KIAA1217: variants seen among roughly 807,000 people sequenced by gnomAD.
KIAA1217 encodes the protein KIAA1217.
KIAA1217 carries 88 observed loss-of-function variants against 163.9 expected under a neutral mutation model. The ratio of observed to expected loss-of-function variants is 0.54; its 90% CI spans 0.45 to 0.64. The LOEUF is 0.64. Among genes scored for constraint, KIAA1217 ranks in the 30% least tolerant of loss-of-function variants. The pLI is 0.00. For synonymous variants in KIAA1217, 903 were observed against 923.1 expected, an observed-to-expected ratio of 0.98 and a Z score of 0.39; for missense variants, 2,372 against 2,475.0, an observed-to-expected ratio of 0.96 and a Z score of 0.88.
chr10:24,536,320 A>G (rs2074001941), intron 16 of KIAA1217, among the ~76,000 whole-genome samples: 1 of 152,202 alleles, frequency 6.6e-6, no homozygotes, highest in Non-Finnish European at 1.5e-5. Flanking sequence ...TGCTAAGAGT[A>G]CTTTTATTGT....
intron 6 of KIAA1217, among the ~76,000 whole-genome samples, chr10:24,492,803 A>ACCATCTATCAAAAAGAGC (rs77282386): frequency 6.6e-6 from 1 of 151,536 alleles, no homozygotes; most frequent in African/African-American, 2.4e-5. Context: ...ATGCAGATGC[A>ACCATCTATCAAAAAGAGC]CCAGCTTAAT....
intron 15 of KIAA1217, among the ~76,000 whole-genome samples, chr10:24,532,593 A>G (rs1006836136): frequency 6.6e-6 from 1 of 152,206 alleles, no homozygotes; most frequent in African/African-American, 2.4e-5. Context: ...AGATGAAGGA[A>G]GAGCAAAGGC....
intron 1 of KIAA1217, among the ~76,000 whole-genome samples, chr10:23,995,321 C>T (rs566241934): frequency 6.6e-6 from 1 of 152,118 alleles, no homozygotes. Flanking sequence ...GAAAAAGAAA[C>T]ACAATAGAAT....
At chr10:23,702,236 A>AAGAGC (rs922543556) in intron 1 of KIAA1217, among the ~76,000 whole-genome samples, 12 of 152,064 alleles carry the variant, frequency 7.9e-5, no homozygotes, top group Non-Finnish European at 1.8e-4. Flanking sequence ...GAGAGAAGAG[A>AAGAGC]AGTGAACAGA....
chr10:23,864,102 A>G (rs1189245710), intron 1 of KIAA1217, among the ~76,000 whole-genome samples: 1 of 144,814 alleles, frequency 6.9e-6, no homozygotes, highest in Non-Finnish European at 1.5e-5. Context: ...TATTATTATT[A>G]TTCCTACTTT....
At chr10:23,700,904 C>T (rs1307740255) in intron 1 of KIAA1217, among the ~76,000 whole-genome samples, 1 of 141,562 alleles carries the variant, frequency 7.1e-6, no homozygotes, top group Non-Finnish European at 1.5e-5. Flanking sequence ...AAGGTAAACT[C>T]CATAAAGGAA....
At chr10:24,209,303 G>C (rs1379453662) in intron 1 of KIAA1217, 40 bp downstream of exon 1, 1 of 1,486,568 alleles carries the variant, frequency 6.7e-7, no homozygotes, top group Non-Finnish European at 9.4e-7. Context: ...TTACAGGGAC[G>C]CGTGCCCCTT....
At chr10:23,742,005 G>A (rs968379312) in intron 1 of KIAA1217, among the ~76,000 whole-genome samples, 1 of 152,122 alleles carries the variant, frequency 6.6e-6, no homozygotes, top group Admixed American at 6.5e-5. Flanking sequence ...ATCACTCAAT[G>A]CTCTAGAGAA....
chr10:24,369,999 C>T (rs530857342), intron 2 of KIAA1217, among the ~76,000 whole-genome samples: 1 of 152,316 alleles, frequency 6.6e-6, no homozygotes, highest in Non-Finnish European at 1.5e-5. Context: ...GGCGCGGCGG[C>T]TCACGCCTGT....
chr10:23,919,516 G>A (rs1842766911), intron 1 of KIAA1217, among the ~76,000 whole-genome samples: 1 of 146,926 alleles, frequency 6.8e-6, no homozygotes, highest in Non-Finnish European at 1.5e-5. Context: ...TGCGGAAGGA[G>A]AATTGCTTGA....
intron 1 of KIAA1217, among the ~76,000 whole-genome samples, chr10:23,803,309 C>T (rs1164198042): frequency 1.3e-5 from 2 of 152,222 alleles, no homozygotes; most frequent in South Asian, 2.1e-4. Flanking sequence ...GCTGGGAATG[C>T]CCCTTCCTGA....
intron 1 of KIAA1217, among the ~76,000 whole-genome samples, chr10:23,965,482 T>C (rs529230705): frequency 2.0e-5 from 3 of 152,364 alleles, no homozygotes; most frequent in African/African-American, 7.2e-5. Flanking sequence ...AGTTTCCACC[T>C]TAAAGCCTGG....
At chr10:23,881,721 G>A (rs1387909839) in intron 1 of KIAA1217, among the ~76,000 whole-genome samples, 1 of 151,928 alleles carries the variant, frequency 6.6e-6, no homozygotes, top group Non-Finnish European at 1.5e-5. Context: ...CTGACCCACT[G>A]AATGAAGAGG....
At chr10:23,791,220 A>G (rs1250977869) in intron 1 of KIAA1217, among the ~76,000 whole-genome samples, 1 of 152,218 alleles carries the variant, frequency 6.6e-6, no homozygotes, top group East Asian at 1.9e-4. Context: ...GAATCTTTGA[A>G]TTCTGTTTTA....
chr10:24,008,923 C>G (rs1047135263), intron 2 of KIAA1217, among the ~76,000 whole-genome samples: 4 of 152,204 alleles, frequency 2.6e-5, no homozygotes, highest in African/African-American at 9.6e-5. Context: ...CTGTGTTCCT[C>G]TCTCTTTGTG....
At chr10:24,368,900 C>T in intron 2 of KIAA1217, 3 of 967,886 alleles carry the variant, frequency 3.1e-6, no homozygotes. Context: ...CTGTCCCATG[C>T]AACATTTTTC....
intron 1 of KIAA1217, among the ~76,000 whole-genome samples, chr10:23,961,138 T>A (rs971914226): frequency 6.6e-6 from 1 of 152,206 alleles, no homozygotes; most frequent in African/African-American, 2.4e-5. Flanking sequence ...AAAAATGCAA[T>A]TTCCATGAAA....
At chr10:23,919,444 A>G (rs897193393) in intron 1 of KIAA1217, among the ~76,000 whole-genome samples, 2 of 151,756 alleles carry the variant, frequency 1.3e-5, no homozygotes. Context: ...CATCTCTACT[A>G]AAAATACAAA....
chr10:23,696,323 A>G (rs958988805), intron 1 of KIAA1217, among the ~76,000 whole-genome samples: 1 of 152,192 alleles, frequency 6.6e-6, no homozygotes, highest in Non-Finnish European at 1.5e-5. Context: ...GGAATTTGAT[A>G]TTAAATTTGA....
Sources: gnomAD v4.1 joint callset for allele counts (sites outside exome capture counted in the v4.1 genomes callset) on GRCh38, gnomAD v4.1.1 for gene constraint, MANE v1.5 for transcripts, NCBI Gene and HGNC (gene_info 2026-07-23, HGNC 2026-07-21) for gene names.